Variants in AFF1 observed in about 807,000 individuals in gnomAD.
The protein encoded by AFF1 is AF4/FMR2 family member 1.
Under a neutral mutation model 121.7 loss-of-function variants are expected in AFF1, and 48 were observed. The ratio of observed to expected loss-of-function variants is 0.39; its 90% CI spans 0.31 to 0.50. The LOEUF (loss-of-function observed/expected upper bound fraction) is 0.50, where lower values mean the gene tolerates loss of function less well. Among genes scored for constraint, AFF1 ranks in the 20% least tolerant of loss-of-function variants. The pLI is 0.76. For synonymous variants in AFF1, 613 were observed against 563.0 expected (o/e 1.09, Z -1.26); for missense variants, 1,523 against 1,511.7 (o/e 1.01, Z -0.12).
intron 2 of AFF1, among the ~76,000 whole-genome samples, chr4:86,978,346 G>A (rs1356789707): frequency 6.6e-6 from 1 of 151,384 alleles, no homozygotes; most frequent in African/African-American, 2.4e-5. Context: ...ACCATGCCCA[G>A]CTGATTTTTG....
intron 2 of AFF1, among the ~76,000 whole-genome samples, chr4:86,985,841 TAGAG>T (rs1342621497): frequency 6.6e-6 from 1 of 151,740 alleles, no homozygotes; most frequent in African/African-American, 2.4e-5. Context: ...AACTAAATGA[TAGAG>T]AAAAAGTTAT....
At position 87,046,825 on chromosome 4, in the gene AFF1, C is replaced by T. The variant is rs150508696; in HGVS notation, c.290C>T (p.Pro97Leu). ...LDASENRLGK[P>L]KYPLIPDKGS... ...GCTTCTGAAAATAGGTTGGGAAAGC[C>T]GAAATATCCTTTAATTCCTGACAAA... The change falls in exon 4 of 21, where the codon CCG (proline) becomes CTG (leucine). Residue 97 changes from proline to leucine, a missense_variant. Pro to Leu is a moderately conservative substitution (Grantham distance 98). Coordinates refer to ENST00000395146, the MANE Select transcript of AFF1 (RefSeq NM_001166693.3). 120 of 1,614,038 alleles carry T rather than the reference C, an allele frequency of 7.4e-5. No individual in the cohort carries two copies. The highest frequency in any genetic ancestry group is 1.6e-4 in the Middle Eastern group (1 of 6,084).
intron 2 of AFF1, among the ~76,000 whole-genome samples, chr4:86,997,086 AT>A (rs1203788416): frequency 6.6e-6 from 1 of 151,998 alleles, no homozygotes; most frequent in East Asian, 1.9e-4. Context: ...TAATTTTTGT[AT>A]TTTTGGTAGA....
intron 4 of AFF1, 152 bp downstream of exon 4, chr4:87,047,746 C>T (rs555211792): frequency 5.4e-5 from 54 of 1,000,328 alleles, no homozygotes; most frequent in African/African-American, 9.5e-5. Flanking sequence ...TAATAACCCG[C>T]GAAAAACTCA....
intron 4 of AFF1, among the ~76,000 whole-genome samples, chr4:87,059,665 C>T (rs1280683205): frequency 3.3e-5 from 5 of 152,210 alleles, no homozygotes; most frequent in Non-Finnish European, 7.3e-5. Context: ...GTCCATTTGT[C>T]TTCTTGCCTC....
rs1423902223 is a variant in AFF1, at chr4:87,108,183, A to G, written c.1401A>G (p.Pro467=). The change falls in exon 11 of 21, where the codon CCA becomes CCG. Residue 467 remains proline, a synonymous_variant. Coordinates refer to ENST00000395146, the MANE Select transcript of AFF1 (RefSeq NM_001166693.3). ...PPSAPQSLPE[P]VASAHSSSAE... The stretch of plus-strand genomic sequence containing the variant: ...GTGCTCCACAGTCCCTTCCAGAACC[A>G]GTGGCATCAGCACATTCCAGCAGTG... 6.2e-7 allele frequency: 1 copy of G among 1,613,992 alleles called. No individual in the cohort carries two copies.
intron 4 of AFF1, among the ~76,000 whole-genome samples, chr4:87,077,845 C>T (rs1422346489): frequency 6.6e-6 from 1 of 152,138 alleles, no homozygotes; most frequent in African/African-American, 2.4e-5. Context: ...GCATTTATTT[C>T]TTTCTAGGTG....
rs1053231763 is a variant in AFF1, at chr4:86,935,198, G to C, written c.-79G>C. On this transcript the variant is annotated 5_prime_UTR_variant, in exon 1 of 21. Transcript: ENST00000395146. ...CAGGTCAGGGGAGGGCGGAGGTGACGAGGGCGCCCGACCCGGGACTAGAGG... is the reference window on the plus strand; with the variant it reads ...CAGGTCAGGGGAGGGCGGAGGTGACCAGGGCGCCCGACCCGGGACTAGAGG... The C allele has an allele frequency of 6.6e-6, 1 of 152,362 alleles. No homozygotes were observed. The highest frequency in any genetic ancestry group is 2.4e-5 in the African/African-American group (1 of 41,464). The allele number at this position is 152,362 out of a possible 1,614,324, so 9.4% of individuals were successfully genotyped here. A position where few individuals can be genotyped will look rare whatever the true frequency, so the allele number is the denominator to read the frequency against.
At chr4:87,072,608 G>A (rs900575378) in intron 4 of AFF1, among the ~76,000 whole-genome samples, 4 of 151,214 alleles carry the variant, frequency 2.6e-5, no homozygotes, top group Admixed American at 6.6e-5. Context: ...GGCAGCCTCC[G>A]CCTCCTAGGT....
chr4:87,115,033 G>A lies in AFF1; in HGVS notation c.2200G>A (p.Ala734Thr), dbSNP rs1726955295. Residue 734 changes from alanine (A) to threonine (T), a missense_variant, in exon 12 of 21, where the codon GCC becomes ACC. Around this residue, in one of 5 missense-constraint regions of AFF1, gnomAD observed 905 missense variants for 842.5 expected, o/e 1.07. Coordinates refer to ENST00000395146, the MANE Select transcript of AFF1 (RefSeq NM_001166693.3). ...SGSRTSGCRQAVVVQEDSRKD... is the reference protein window; with the variant it reads ...SGSRTSGCRQTVVVQEDSRKD... ...CAGCAGGACTAGTGGCTGCCGCCAA[G>A]CCGTGGTGGTCCAGGAGGACAGCCG... 7 of 1,614,146 alleles carry A rather than the reference G, an allele frequency of 4.3e-6. No individual in the cohort carries two copies. In the African/African-American group the frequency reaches 5.3e-5, roughly 12 times the overall value.
intron 2 of AFF1, among the ~76,000 whole-genome samples, chr4:87,045,173 C>T (rs931334939): frequency 6.6e-6 from 1 of 152,146 alleles, no homozygotes; most frequent in African/African-American, 2.4e-5. Flanking sequence ...GCTAGAATTT[C>T]CGAAGGTACT....
At chr4:87,091,626 T>C (rs1253418464) in intron 6 of AFF1, among the ~76,000 whole-genome samples, 167 bp from the exon 7 acceptor site, 2 of 152,218 alleles carry the variant, frequency 1.3e-5, no homozygotes, top group African/African-American at 4.8e-5. Context: ...GAAATAATTA[T>C]AGAATCTGTG....
chr4:86,981,856 C>G (rs1370292113), intron 2 of AFF1, among the ~76,000 whole-genome samples: 1 of 152,230 alleles, frequency 6.6e-6, no homozygotes, highest in African/African-American at 2.4e-5. Context: ...CTCTTAAAGC[C>G]TGTTGGTGAC....
At chr4:87,115,892 C>T (rs1727074686) in intron 12 of AFF1, among the ~76,000 whole-genome samples, 1 of 152,092 alleles carries the variant, frequency 6.6e-6, no homozygotes, top group Admixed American at 6.5e-5. Context: ...GATGGGATTA[C>T]AGGCCTAAGA....
intron 4 of AFF1, among the ~76,000 whole-genome samples, chr4:87,058,052 T>C (rs983669377): frequency 1.3e-5 from 2 of 152,220 alleles, no homozygotes; most frequent in African/African-American, 4.8e-5. Flanking sequence ...CTTTCCCCTT[T>C]AATTTCCAAA....
At chr4:87,087,057 G>A (rs1001695153) in intron 5 of AFF1, among the ~76,000 whole-genome samples, 13 of 152,180 alleles carry the variant, frequency 8.5e-5, no homozygotes, top group Non-Finnish European at 1.6e-4. Flanking sequence ...CTTGGTGGGT[G>A]CATGGAGACA....
At position 87,067,636 on chromosome 4, in the gene AFF1, C is replaced by T. The variant is rs561081041; in HGVS notation, c.1060-16484C>T. ...GTTTTTAGTGGCAATAAGTATTACC[C>T]AGTCTTTTCTGCTGCTGTAAGCTTT... On this transcript the variant is annotated intron_variant, in intron 4 of 20. Transcript: ENST00000395146. 2.0e-4 allele frequency among the ~76,000 whole-genome samples: 30 copies of T among 152,334 alleles called. No individual in the cohort carries two copies. The South Asian group carries it at 6.0e-3, about 31-fold the overall frequency.
intron 2 of AFF1, among the ~76,000 whole-genome samples, chr4:87,026,821 C>A (rs1486702449): frequency 6.6e-6 from 1 of 152,104 alleles, no homozygotes; most frequent in Admixed American, 6.5e-5. Context: ...AAATCTGGTT[C>A]TCTCGTATTT....
At chr4:86,951,354 T>G (rs1240533740) in intron 2 of AFF1, among the ~76,000 whole-genome samples, 1 of 135,622 alleles carries the variant, frequency 7.4e-6, no homozygotes, top group Non-Finnish European at 1.6e-5. Context: ...TTTGTCCGTT[T>G]GCCCCAGAGA....
Sources: gnomAD v4.1 joint callset for allele counts (sites outside exome capture counted in the v4.1 genomes callset) on GRCh38, gnomAD v4.1.1 for gene constraint, gnomAD v4.1.1 regional missense constraint, MANE v1.5 for transcripts, NCBI Gene and HGNC (gene_info 2026-07-23, HGNC 2026-07-21) for gene names.